Variants in SH3GL2 observed in about 807,000 individuals in gnomAD.
SH3GL2 encodes the protein endophilin-A1.
A neutral mutation model predicts 46.0 loss-of-function variants in SH3GL2; 24 were observed. The ratio of observed to expected loss-of-function variants is 0.52; its 90% CI spans 0.38 to 0.73. The LOEUF is 0.73. Among genes scored for constraint, SH3GL2 ranks in the 30% least tolerant of loss-of-function variants. The pLI is 0.00. For synonymous variants in SH3GL2, 196 were observed against 147.1 expected, an observed-to-expected ratio of 1.33 and a Z score of -2.40; for missense variants, 413 against 424.2, an observed-to-expected ratio of 0.97 and a Z score of 0.23.
chr9:17,677,929 T>A (rs1206982726), intron 1 of SH3GL2, among the ~76,000 whole-genome samples: 2 of 152,302 alleles, frequency 1.3e-5, no homozygotes, highest in Non-Finnish European at 2.9e-5. Context: ...GTTTCCAGCT[T>A]CATCCATGTC....
intron 2 of SH3GL2, among the ~76,000 whole-genome samples, chr9:17,750,020 C>T (rs1474590525): frequency 6.6e-6 from 1 of 152,056 alleles, no homozygotes; most frequent in Non-Finnish European, 1.5e-5. Flanking sequence ...TGCAGTGTGG[C>T]AATTGTTTTA....
chr9:17,662,503 C>G (rs1820246300), intron 1 of SH3GL2, among the ~76,000 whole-genome samples: 1 of 152,028 alleles, frequency 6.6e-6, no homozygotes, highest in Non-Finnish European at 1.5e-5. Context: ...ATTGAGCAAC[C>G]TTGCATACTG....
rs555384698 is a variant in SH3GL2 at position 17,716,886 on chromosome 9, C to G, written c.46-30180C>G. Among the ~76,000 whole-genome samples, 3 of 152,154 alleles carry G rather than the reference C, an allele frequency of 2.0e-5. No homozygotes were observed. The South Asian group carries it at 6.2e-4, about 32-fold the overall frequency. On this transcript the variant is annotated intron_variant, in intron 1 of 8. Coordinates refer to ENST00000380607, the MANE Select transcript of SH3GL2 (RefSeq NM_003026.5). Reference sequence around the variant, plus strand: ...CTCTCAGTCAGGGATCTCTGTCTTTCATTTCTTGACACTCATTCTTAAAAA... The same window carrying G: ...CTCTCAGTCAGGGATCTCTGTCTTTGATTTCTTGACACTCATTCTTAAAAA...
At chr9:17,651,404 C>T (rs1380379287) in intron 1 of SH3GL2, among the ~76,000 whole-genome samples, 1 of 152,112 alleles carries the variant, frequency 6.6e-6, no homozygotes, top group Non-Finnish European at 1.5e-5. Flanking sequence ...GACATTTTCT[C>T]CTTGAGAATC....
At chr9:17,676,317 TATCAC>T (rs1820607424) in intron 1 of SH3GL2, among the ~76,000 whole-genome samples, 1 of 152,106 alleles carries the variant, frequency 6.6e-6, no homozygotes, top group Admixed American at 6.6e-5. Context: ...GTAAAAAGTA[TATCAC>T]AGGCTGGGCA....
intron 1 of SH3GL2, among the ~76,000 whole-genome samples, chr9:17,648,210 G>A (rs1212657629): frequency 2.6e-5 from 4 of 152,166 alleles, no homozygotes; most frequent in Admixed American, 2.6e-4. Context: ...TACACAAGGG[G>A]ATTGATGTCC....
chr9:17,714,230 A>G (rs139420754), intron 1 of SH3GL2, among the ~76,000 whole-genome samples: 123 of 151,500 alleles, frequency 8.1e-4, no homozygotes, highest in African/African-American at 2.9e-3. Context: ...TTTTTTCCTA[A>G]CCTATTAGTA....
At chr9:17,678,225 G>A (rs1196703319) in intron 1 of SH3GL2, among the ~76,000 whole-genome samples, 1 of 151,910 alleles carries the variant, frequency 6.6e-6, no homozygotes, top group Non-Finnish European at 1.5e-5. Context: ...CTTCCACAAT[G>A]GTTGAACTAG....
intron 1 of SH3GL2, among the ~76,000 whole-genome samples, chr9:17,705,245 G>A (rs1465203765): frequency 1.3e-5 from 2 of 152,028 alleles, no homozygotes; most frequent in African/African-American, 4.8e-5. Context: ...GACAATAACA[G>A]ATGTTGGCAA....
At chr9:17,615,505 A>G (rs1410673330) in intron 1 of SH3GL2, among the ~76,000 whole-genome samples, 1 of 151,978 alleles carries the variant, frequency 6.6e-6, no homozygotes, top group African/African-American at 2.4e-5. Context: ...AAATACAAAA[A>G]TTAGCCAGGC....
chr9:17,692,519 G>A (rs1019747383), intron 1 of SH3GL2, among the ~76,000 whole-genome samples: 17 of 152,066 alleles, frequency 1.1e-4, no homozygotes, highest in Non-Finnish European at 2.4e-4. Flanking sequence ...GGTGGTGCAT[G>A]CCTGTAGTCC....
At chr9:17,672,206 A>G (rs112706466) in intron 1 of SH3GL2, among the ~76,000 whole-genome samples, 4,250 of 152,282 alleles carry the variant, frequency 0.028, 114 homozygotes, top group African/African-American at 0.064. Context: ...GCATACAGAT[A>G]TGTATGTAGT....
intron 3 of SH3GL2, among the ~76,000 whole-genome samples, chr9:17,768,611 C>T (rs1183942219): frequency 6.6e-6 from 1 of 151,988 alleles, no homozygotes; most frequent in African/African-American, 2.4e-5. Context: ...ACTCTGTGGC[C>T]TTTAGTTTCT....
chr9:17,795,174 T>C (rs938967668), intron 8 of SH3GL2, among the ~76,000 whole-genome samples: 3 of 152,238 alleles, frequency 2.0e-5, no homozygotes, highest in African/African-American at 7.2e-5. Flanking sequence ...GTTATTAACC[T>C]ACATCATTAT....
At chr9:17,670,891 C>T (rs1820458427) in intron 1 of SH3GL2, among the ~76,000 whole-genome samples, 1 of 152,166 alleles carries the variant, frequency 6.6e-6, no homozygotes, top group Admixed American at 6.5e-5. Context: ...GATTGCTAGG[C>T]CTTGCCCCAG....
intron 1 of SH3GL2, among the ~76,000 whole-genome samples, chr9:17,614,776 T>C (rs911164207): frequency 5.3e-5 from 8 of 152,290 alleles, no homozygotes; most frequent in Non-Finnish European, 1.2e-4. Flanking sequence ...TGTCCTTTTC[T>C]ACCAAGTGAA....
In SH3GL2 at chr9:17,659,797, A is replaced by G. The variant is rs146954033; in HGVS notation, c.45+80510A>G. 2.0e-5 allele frequency among the ~76,000 whole-genome samples: 3 copies of G among 152,346 alleles called. No individual in the cohort carries two copies. In the East Asian group the frequency reaches 5.8e-4, roughly 29 times the overall value. ...AACAAAAAATAATTGGGAAGTTAGG[A>G]AATATCTTCTAGTTTAAGACTCACT... On this transcript the variant is annotated intron_variant, in intron 1 of 8. Coordinates refer to ENST00000380607, the MANE Select transcript of SH3GL2 (RefSeq NM_003026.5).
rs758911886 is a variant in SH3GL2 at position 17,579,214 on chromosome 9, C to G, written c.-29C>G. ...CCCCCTCCGCCTCCTCCCTCCCGCACAGCAGCCGCCAGCGCGGCCTCCTGC... is the reference window on the plus strand; with the variant it reads ...CCCCCTCCGCCTCCTCCCTCCCGCAGAGCAGCCGCCAGCGCGGCCTCCTGC... On this transcript the variant is annotated 5_prime_UTR_variant, in exon 1 of 9. Transcript: ENST00000380607. 6.5e-7 allele frequency: 1 copy of G among 1,527,394 alleles called. No homozygotes were observed. Among genetic ancestry groups the G allele is most frequent in the Non-Finnish European group, 8.8e-7 (1 of 1,136,692 alleles). 94.6% of individuals were successfully genotyped at this position (1,527,394 alleles called of 1,614,324 possible).
chr9:17,702,146 G>A (rs1404668301), intron 1 of SH3GL2, among the ~76,000 whole-genome samples: 1 of 151,926 alleles, frequency 6.6e-6, no homozygotes, highest in Non-Finnish European at 1.5e-5. Flanking sequence ...AAACAAAATA[G>A]ATAATAAATG....
Sources: allele counts gnomAD v4.1 joint callset (sites outside exome capture counted in the v4.1 genomes callset), GRCh38; gene constraint gnomAD v4.1.1; transcripts MANE v1.5; gene names NCBI Gene and HGNC (gene_info 2026-07-23, HGNC 2026-07-21).